The following SCTR variants were observed in gnomAD, a reference collection of about 807,000 sequenced individuals.
The protein encoded by SCTR is pancreatic secretin receptor.
A neutral mutation model predicts 60.8 loss-of-function variants in SCTR; 56 were observed. The observed-to-expected ratio is 0.92, with a 90% confidence interval of 0.74 to 1.15. The LOEUF (loss-of-function observed/expected upper bound fraction) is 1.15. SCTR is among the 50% of genes most tolerant of loss of function. The pLI is 0.00. For synonymous variants in SCTR, 202 were observed against 217.0 expected, an observed-to-expected ratio of 0.93 and a Z score of 0.61; for missense variants, 562 against 550.4, an observed-to-expected ratio of 1.02 and a Z score of -0.21.
At chr2:119,466,473 C>T (rs576584781) in intron 4 of SCTR, among the ~76,000 whole-genome samples, 1 of 152,214 alleles carries the variant, frequency 6.6e-6, no homozygotes, top group East Asian at 1.9e-4. Context: ...TGTGTCAGGT[C>T]GGGTGCGTTG....
Position 119,458,785 on chromosome 2 carries a change from G to A in SCTR, c.790+3062C>T, listed in dbSNP as rs538320061. On this transcript the variant is annotated intron_variant, in intron 7 of 12. Transcript: ENST00000019103. ...GGACCAGCAGCATGAGCAACACCTGGGAACACGTCAGAAATGCAGTCTCGG... is the reference window on the plus strand; with the variant it reads ...GGACCAGCAGCATGAGCAACACCTGAGAACACGTCAGAAATGCAGTCTCGG... 5.3e-5 allele frequency among the ~76,000 whole-genome samples: 8 copies of A among 152,272 alleles called. No individual in the cohort carries two copies. The South Asian group carries it at 1.5e-3, about 28-fold the overall frequency.
intron 1 of SCTR, among the ~76,000 whole-genome samples, chr2:119,504,231 A>G (rs921280689): frequency 5.3e-5 from 8 of 152,242 alleles, no homozygotes; most frequent in Non-Finnish European, 1.2e-4. Flanking sequence ...CCTTGAGCTC[A>G]GTCTCACACT....
intron 1 of SCTR, among the ~76,000 whole-genome samples, chr2:119,518,190 CTG>C (rs1490537917): frequency 6.6e-6 from 1 of 152,246 alleles, no homozygotes; most frequent in Non-Finnish European, 1.5e-5. Context: ...GTCCCCAAGT[CTG>C]TGGTATTTTG....
At chr2:119,503,629 AG>A (rs1678632566) in intron 1 of SCTR, among the ~76,000 whole-genome samples, 1 of 152,176 alleles carries the variant, frequency 6.6e-6, no homozygotes, top group African/African-American at 2.4e-5. Context: ...AGGGGACAAT[AG>A]GGAGGGAGAG....
Position 119,453,430 on chromosome 2 carries a change from C to T in SCTR, c.791-83G>A, listed in dbSNP as rs990227269. ...ATATCAGAACAGGACAATTGGTTAC[C>T]CCAGCCCAGCTACTGAGCAGGTGCC... On this transcript the variant is annotated intron_variant, in intron 7 of 12. Coordinates refer to ENST00000019103, the MANE Select transcript of SCTR (RefSeq NM_002980.3). The T allele has an allele frequency of 2.5e-5, 27 of 1,068,886 alleles. No homozygotes were observed. The African/African-American group carries it at 4.0e-4, about 16-fold the overall frequency. The allele number at this position is 1,068,886 out of a possible 1,614,324, so 66.2% of individuals were successfully genotyped here. A position where few individuals can be genotyped will look rare whatever the true frequency, so the allele number is the denominator to read the frequency against.
intron 2 of SCTR, among the ~76,000 whole-genome samples, chr2:119,488,533 G>A (rs538096645): frequency 1.6e-4 from 24 of 152,358 alleles, no homozygotes; most frequent in African/African-American, 5.0e-4. Context: ...AAAGATGACC[G>A]ATTCTGCTCA....
intron 1 of SCTR, among the ~76,000 whole-genome samples, chr2:119,497,663 G>A (rs768893820): frequency 1.3e-5 from 2 of 152,020 alleles, no homozygotes; most frequent in Non-Finnish European, 2.9e-5. Context: ...AGAAATAAAA[G>A]ATATAAAGAA....
rs1679383924 is a variant in SCTR, at chr2:119,524,299, GCC to G, written c.-75_-74del. ...CCCTCTGCCCGCTCGGGAGCTCAGCGCCCCGCGCAGGGTCCCGGGCTCCGGCC... is the reference window on the plus strand; with the variant it reads ...CCCTCTGCCCGCTCGGGAGCTCAGCGCCGCGCAGGGTCCCGGGCTCCGGCC... On this transcript the variant is annotated 5_prime_UTR_variant, in exon 1 of 13. It removes the in-frame stop codon of an upstream open reading frame in the 5' UTR. Transcript: ENST00000019103. 9.5e-7 allele frequency: 1 copy of G among 1,054,276 alleles called. No individual in the cohort carries two copies. The highest frequency in any genetic ancestry group is 3.2e-4 in the Middle Eastern group (1 of 3,080). The allele number at this position is 1,054,276 out of a possible 1,614,324, so 65.3% of individuals were successfully genotyped here.
intron 7 of SCTR, among the ~76,000 whole-genome samples, chr2:119,454,720 G>T (rs1040885883): frequency 6.6e-6 from 1 of 152,076 alleles, no homozygotes; most frequent in African/African-American, 2.4e-5. Context: ...CAGGCATGGT[G>T]GTGCATGCCT....
At chr2:119,516,328 A>G (rs1434205620) in intron 1 of SCTR, among the ~76,000 whole-genome samples, 1 of 152,204 alleles carries the variant, frequency 6.6e-6, no homozygotes, top group Non-Finnish European at 1.5e-5. Context: ...CGTGTCTCTC[A>G]ACAGATGAAT....
intron 1 of SCTR, among the ~76,000 whole-genome samples, chr2:119,502,805 G>A (rs1249714669): frequency 3.5e-5 from 5 of 144,696 alleles, no homozygotes; most frequent in Admixed American, 1.4e-4. Flanking sequence ...CAACCTGGGC[G>A]ACAGAGTGAG....
chr2:119,482,472 G>T (rs924670180), intron 2 of SCTR, among the ~76,000 whole-genome samples: 1 of 152,208 alleles, frequency 6.6e-6, no homozygotes, highest in African/African-American at 2.4e-5. Flanking sequence ...CAGTGTGTGG[G>T]CGGAGCTTTC....
chr2:119,474,122 C>T (rs1677158105), intron 3 of SCTR, among the ~76,000 whole-genome samples: 1 of 152,180 alleles, frequency 6.6e-6, no homozygotes, highest in African/African-American at 2.4e-5. Flanking sequence ...ATCGTGAGAC[C>T]ACCACAGTCC....
intron 1 of SCTR, among the ~76,000 whole-genome samples, chr2:119,523,032 T>C (rs559103877): frequency 6.6e-6 from 1 of 152,286 alleles, no homozygotes; most frequent in East Asian, 1.9e-4. Flanking sequence ...GTCAACACTC[T>C]GGTCGGCTCC....
At chr2:119,508,637 C>T (rs1314888292) in intron 1 of SCTR, among the ~76,000 whole-genome samples, 1 of 151,954 alleles carries the variant, frequency 6.6e-6, no homozygotes, top group Admixed American at 6.6e-5. Context: ...GACCCTCCTG[C>T]CTCAGCCTCC....
Position 119,451,941 on chromosome 2 carries a change from C to A in SCTR, c.921+69G>T, listed in dbSNP as rs112120250. The A allele has an allele frequency of 5.3e-3, 5,045 of 954,128 alleles. 156 individuals are homozygous for A. In the African/African-American group the frequency reaches 0.071, roughly 13 times the overall value. 59.1% of individuals were successfully genotyped at this position (954,128 alleles called of 1,614,324 possible). A position where few individuals can be genotyped will look rare whatever the true frequency, so the allele number is the denominator to read the frequency against. ...GGGAGCCCTGTCCTTCCACCCTCTG[C>A]CCCTGTGGGCTGGTCACCATTTCCG... On this transcript the variant is annotated intron_variant, in intron 9 of 12. Transcript: ENST00000019103.
At chr2:119,478,730 G>T in intron 3 of SCTR, 81 bp downstream of exon 3, 3 of 1,318,090 alleles carry the variant, frequency 2.3e-6, no homozygotes, top group Non-Finnish European at 2.1e-6. Context: ...AGGTTCCTTG[G>T]CCTCCTGCCT....
At chr2:119,479,117 T>G in intron 2 of SCTR, 199 bp from the exon 3 acceptor site, 2 of 1,364,800 alleles carry the variant, frequency 1.5e-6, no homozygotes, top group Non-Finnish European at 9.4e-7. Context: ...TACACGGTAG[T>G]GCTCAGTGTT....
chr2:119,494,477 T>C lies in SCTR; in HGVS notation c.144A>G (p.Glu48=), dbSNP rs1287898559. The C allele has an allele frequency of 1.2e-6, 2 of 1,613,812 alleles. No homozygotes were observed. The highest frequency in any genetic ancestry group is 8.5e-7 in the Non-Finnish European group (1 of 1,179,872). The part of the protein sequence containing the change: ...LWEEQDQCLQ[E]LSREQTGDLG... ...GGTCTCCTGTCTGCTCTCTGGAGAG[T>C]TCCTGCAGGCACTGGTCTTGCTCTT... Residue 48 remains glutamate, a synonymous_variant, in exon 2 of 13, where the codon GAA becomes GAG. Coordinates refer to ENST00000019103, the MANE Select transcript of SCTR (RefSeq NM_002980.3).
Sources: gnomAD v4.1 joint callset for allele counts (sites outside exome capture counted in the v4.1 genomes callset) on GRCh38, gnomAD v4.1.1 for gene constraint, MANE v1.5 for transcripts, NCBI Gene and HGNC (gene_info 2026-07-23, HGNC 2026-07-21) for gene names.